Variants in TRMT9B observed in about 807,000 individuals in gnomAD.
TRMT9B encodes the protein tRNA methyltransferase 9B (putative).
TRMT9B carries 16 observed loss-of-function variants against 11.5 expected under a neutral mutation model. The ratio of observed to expected loss-of-function variants is 1.39; its 90% CI spans 0.94 to 2.11. The LOEUF (loss-of-function observed/expected upper bound fraction) is 2.11, where lower values mean the gene tolerates loss of function less well. Ranked by LOEUF, TRMT9B falls within the 30% of genes most tolerant of loss-of-function variation. TRMT9B has a pLI of 0.00. For synonymous variants in TRMT9B, 274 were observed against 192.4 expected (o/e 1.42, Z -3.51); for missense variants, 941 against 553.8 (o/e 1.70, Z -7.02).
At chr8:13,015,380 C>G (rs757098089) in intron 4 of TRMT9B, among the ~76,000 whole-genome samples, 5 of 152,006 alleles carry the variant, frequency 3.3e-5, no homozygotes, top group Admixed American at 3.3e-4. Context: ...TAAAGTGAGA[C>G]CAATTTTTTT....
chr8:12,984,011 A>C (rs760421603), intron 1 of TRMT9B, among the ~76,000 whole-genome samples: 13 of 152,166 alleles, frequency 8.5e-5, no homozygotes, highest in Non-Finnish European at 1.8e-4. Flanking sequence ...AAGCATATAA[A>C]TTTAGAGTCA....
intron 3 of TRMT9B, chr8:13,007,446 T>G (rs1175450649): frequency 6.6e-6 from 1 of 152,204 alleles, no homozygotes; most frequent in African/African-American, 2.4e-5. Context: ...GCATGCTGAC[T>G]GCACCTATGA....
In TRMT9B at chr8:12,945,953, A is replaced by C. The variant is rs1361916361; in HGVS notation, c.-213A>C. 1 of 152,166 alleles carries C rather than the reference A, an allele frequency of 6.6e-6. No individual in the cohort carries two copies. The highest frequency in any genetic ancestry group is 1.9e-4 in the East Asian group (1 of 5,188). 9.4% of individuals were successfully genotyped at this position (152,166 alleles called of 1,614,324 possible). On this transcript the variant is annotated 5_prime_UTR_variant, in exon 1 of 5. Coordinates refer to ENST00000524591, the MANE Select transcript of TRMT9B (RefSeq NM_020844.3). ...CTGTGAGCTCTCCTAGCAACTCTGC[A>C]GTCTTCCTTCAAGGTATGTGTTGCA...
chr8:12,960,477 A>T (rs7003290), intron 1 of TRMT9B: 62,616 of 152,002 alleles, frequency 0.41, 13,790 homozygotes, highest in Middle Eastern at 0.59. Context: ...CTGAAAAATG[A>T]ACAGGCAACT....
At chr8:13,018,877 G>T (rs1325978106) in intron 4 of TRMT9B, among the ~76,000 whole-genome samples, 1 of 152,126 alleles carries the variant, frequency 6.6e-6, no homozygotes, top group African/African-American at 2.4e-5. Context: ...GTTTGGAGGC[G>T]ATTTCAAATA....
rs34715221 is a variant in TRMT9B, at chr8:13,017,614, C to CTTTT, written c.329-3380_329-3377dup. Among the ~76,000 whole-genome samples the CTTTT allele has an allele frequency of 8.3e-4, 98 of 117,512 alleles. 3 individuals carry two copies. Among genetic ancestry groups the CTTTT allele is most frequent in the African/African-American group, 1.4e-3 (43 of 30,262 alleles). The allele number at this position is 117,512 out of a possible 152,430, so 77.1% of individuals were successfully genotyped here. On this transcript the variant is annotated intron_variant, in intron 4 of 4. Coordinates refer to ENST00000524591, the MANE Select transcript of TRMT9B (RefSeq NM_020844.3). ...ATGTAATGAAGTAATCATTTGTAGG[C>CTTTT]TTTTTTTTTTTTTTTTTGAGACAGT...
In TRMT9B at chr8:13,006,807, T is replaced by C. The variant is rs1196542501; in HGVS notation, c.154+451T>C. ...CCTCAGACTCCCAAATAGCTATGAT[T>C]ACAGGCACCCGCCACCACGCCCAGC... On this transcript the variant is annotated intron_variant, in intron 3 of 4. Coordinates refer to ENST00000524591, the MANE Select transcript of TRMT9B (RefSeq NM_020844.3). The C allele has an allele frequency of 2.6e-5, 9 of 351,572 alleles. No homozygotes were observed. In the Admixed American group the frequency reaches 4.5e-4, roughly 18 times the overall value. 21.8% of individuals were successfully genotyped at this position (351,572 alleles called of 1,614,324 possible).
chr8:12,946,168 G>GT (rs756478369), intron 1 of TRMT9B, among the ~76,000 whole-genome samples: 1 of 152,184 alleles, frequency 6.6e-6, no homozygotes, highest in Non-Finnish European at 1.5e-5. Flanking sequence ...AGTGATAAAT[G>GT]TAAGAAGCAT....
At chr8:12,994,744 C>T (rs556753112) in intron 2 of TRMT9B, among the ~76,000 whole-genome samples, 18 of 152,270 alleles carry the variant, frequency 1.2e-4, no homozygotes, top group Admixed American at 5.9e-4. Context: ...TGCAGTGGCA[C>T]GATCTCAGCT....
chr8:13,017,939 A>C (rs1813049854), intron 4 of TRMT9B, among the ~76,000 whole-genome samples: 1 of 151,660 alleles, frequency 6.6e-6, no homozygotes, highest in Non-Finnish European at 1.5e-5. Flanking sequence ...TTTTTTTCTT[A>C]AGAACATTTG....
At chr8:12,947,528 C>G (rs1023270053) in intron 1 of TRMT9B, among the ~76,000 whole-genome samples, 6 of 152,146 alleles carry the variant, frequency 3.9e-5, no homozygotes, top group African/African-American at 1.4e-4. Context: ...AATAGATGGT[C>G]AAGGCTGAAG....
chr8:13,021,299 G>A lies in TRMT9B; in HGVS notation c.620G>A (p.Cys207Tyr). The change falls in exon 5 of 5, where the codon TGT becomes TAT. Residue 207 changes from cysteine (C) to tyrosine (Y), a missense_variant. Physicochemically the swap from Cys to Tyr is radical, Grantham distance 194. Coordinates refer to ENST00000524591, the MANE Select transcript of TRMT9B (RefSeq NM_020844.3). ...TGTTCTGTTTGTTTTAAAGAGCAGT[G>A]TGGTTCAAAACGGTCCCACAGCGTG... ...CSCSVCFKEQ[C>Y]GSKRSHSVGY... 1 of 1,614,030 alleles carries A rather than the reference G, an allele frequency of 6.2e-7. No homozygotes were observed. Among genetic ancestry groups the A allele is most frequent in the South Asian group, 1.1e-5 (1 of 91,088 alleles).
chr8:12,992,085 GAGTAA>G (rs1563377277), intron 2 of TRMT9B, among the ~76,000 whole-genome samples: 1 of 152,208 alleles, frequency 6.6e-6, no homozygotes, highest in Admixed American at 6.5e-5. Flanking sequence ...AGCTTGTACA[GAGTAA>G]AGTATTGTTG....
intron 1 of TRMT9B, among the ~76,000 whole-genome samples, chr8:12,957,209 A>G (rs1801433506): frequency 6.6e-6 from 1 of 152,222 alleles, no homozygotes; most frequent in Non-Finnish European, 1.5e-5. Context: ...TAGCAACAAA[A>G]AGGTAGCCAA....
At chr8:12,980,499 A>G (rs1805184027) in intron 1 of TRMT9B, among the ~76,000 whole-genome samples, 1 of 152,090 alleles carries the variant, frequency 6.6e-6, no homozygotes, top group African/African-American at 2.4e-5. Context: ...GGAGTGGGCA[A>G]AGCTCCCTGC....
chr8:12,991,792 G>C (rs533688212), intron 2 of TRMT9B, among the ~76,000 whole-genome samples: 16 of 152,058 alleles, frequency 1.1e-4, no homozygotes, highest in Non-Finnish European at 1.8e-4. Flanking sequence ...TTAGCCAGGC[G>C]TGGTGGTGGG....
intron 1 of TRMT9B, among the ~76,000 whole-genome samples, chr8:12,989,086 T>G (rs1447468511): frequency 1.3e-5 from 2 of 152,186 alleles, no homozygotes; most frequent in African/African-American, 4.8e-5. Flanking sequence ...AAATTTTTTT[T>G]TTTTCAAAAA....
At chr8:13,000,726 A>G (rs1423439655) in intron 2 of TRMT9B, among the ~76,000 whole-genome samples, 1 of 152,244 alleles carries the variant, frequency 6.6e-6, no homozygotes, top group Non-Finnish European at 1.5e-5. Context: ...ATATTACAAC[A>G]CTATGTGTCA....
Position 13,021,872 on chromosome 8 carries a change from C to T in TRMT9B, c.1193C>T (p.Pro398Leu), listed in dbSNP as rs774595233. Reference sequence around the variant, plus strand: ...GATGATACAATGTCTGTCGAAGATCCACAGACTGATGTTTTGGACTCCACA... The same window carrying T: ...GATGATACAATGTCTGTCGAAGATCTACAGACTGATGTTTTGGACTCCACA... ...NPDDTMSVED[P>L]QTDVLDSTAF... Residue 398 changes from proline (P) to leucine (L), a missense_variant, in exon 5 of 5, where the codon CCA becomes CTA. By Grantham distance (98) the Pro-to-Leu change is moderately conservative. Transcript: ENST00000524591. The T allele has an allele frequency of 6.2e-7, 1 of 1,613,838 alleles. No individual in the cohort carries two copies. Among genetic ancestry groups the T allele is most frequent in the East Asian group, 2.2e-5 (1 of 44,852 alleles).
Sources: gnomAD v4.1 joint callset for allele counts (sites outside exome capture counted in the v4.1 genomes callset) on GRCh38, gnomAD v4.1.1 for gene constraint, MANE v1.5 for transcripts, NCBI Gene and HGNC (gene_info 2026-07-23, HGNC 2026-07-21) for gene names.